Variants in MAML3 observed in about 807,000 individuals in gnomAD.
MAML3 encodes mastermind-like protein 3.
MAML3 carries 27 observed loss-of-function variants against 101.9 expected under a neutral mutation model. The ratio of observed to expected loss-of-function variants is 0.27; its 90% CI spans 0.20 to 0.37. The LOEUF (loss-of-function observed/expected upper bound fraction) is 0.37, where lower values mean the gene tolerates loss of function less well. Among genes scored for constraint, MAML3 ranks in the 10% least tolerant of loss-of-function variants. MAML3 has a pLI of 1.00. For synonymous variants in MAML3, 501 were observed against 555.9 expected, an observed-to-expected ratio of 0.90 and a Z score of 1.39; for missense variants, 1,316 against 1,444.9, an observed-to-expected ratio of 0.91 and a Z score of 1.45.
intron 2 of MAML3, 185 bp downstream of exon 2, chr4:139,889,172 T>C (rs1336403459): frequency 5.3e-6 from 6 of 1,140,660 alleles, no homozygotes; most frequent in Non-Finnish European, 7.9e-6. Flanking sequence ...CATGCCACCC[T>C]TTTCCATTTC....
intron 2 of MAML3, among the ~76,000 whole-genome samples, chr4:139,834,694 A>G (rs1731228056): frequency 6.6e-6 from 1 of 152,232 alleles, no homozygotes; most frequent in Non-Finnish European, 1.5e-5. Flanking sequence ...AAAGGTTGGA[A>G]TATAGCACAG....
intron 2 of MAML3, among the ~76,000 whole-genome samples, chr4:139,797,547 A>G (rs142829423): frequency 1.0e-3 from 154 of 152,286 alleles, no homozygotes; most frequent in Admixed American, 1.6e-3. Context: ...TCTCCCATTC[A>G]TAGCAAGGAC....
chr4:139,903,019 C>T lies in MAML3; in HGVS notation c.469-12052G>A, dbSNP rs148476614. On this transcript the variant is annotated intron_variant, in intron 1 of 4. Transcript: ENST00000509479. ...ATGAGCAGTGAAGACAGGAAGAAAA[C>T]CTTCCGATCCAATGTTTTCATCTCC... 1.3e-3 allele frequency among the ~76,000 whole-genome samples: 201 copies of T among 152,292 alleles called. 1 individual carries two copies. The highest frequency in any genetic ancestry group is 4.6e-3 in the African/African-American group (192 of 41,554).
At chr4:139,939,538 A>G (rs1378733238) in intron 1 of MAML3, among the ~76,000 whole-genome samples, 4 of 152,064 alleles carry the variant, frequency 2.6e-5, no homozygotes, top group African/African-American at 9.7e-5. Context: ...TCCAAGCTCA[A>G]AACCCTATTC....
intron 1 of MAML3, among the ~76,000 whole-genome samples, chr4:140,003,791 G>A (rs956932100): frequency 2.0e-5 from 3 of 152,186 alleles, no homozygotes; most frequent in Non-Finnish European, 4.4e-5. Context: ...CATCCCTTAA[G>A]TTCAGTTTCC....
chr4:140,012,614 G>A (rs533059839), intron 1 of MAML3, among the ~76,000 whole-genome samples: 1 of 152,230 alleles, frequency 6.6e-6, no homozygotes, highest in Admixed American at 6.5e-5. Flanking sequence ...TTCCATCTTG[G>A]GCATTTGTTT....
At chr4:139,781,787 G>A (rs1009858734) in intron 2 of MAML3, among the ~76,000 whole-genome samples, 1 of 152,098 alleles carries the variant, frequency 6.6e-6, no homozygotes, top group African/African-American at 2.4e-5. Context: ...TGGTGATGCT[G>A]TTACTCCTTA....
At chr4:139,761,347 C>T (rs974514143) in intron 2 of MAML3, among the ~76,000 whole-genome samples, 5 of 152,146 alleles carry the variant, frequency 3.3e-5, no homozygotes, top group African/African-American at 1.2e-4. Flanking sequence ...GAACAGGTTG[C>T]TTCATTTCCC....
intron 1 of MAML3, among the ~76,000 whole-genome samples, chr4:139,938,054 C>T (rs1733540497): frequency 6.6e-6 from 1 of 152,164 alleles, no homozygotes; most frequent in South Asian, 2.1e-4. Flanking sequence ...TCCTACTTTC[C>T]CTGCCTCCCA....
chr4:139,832,916 G>A (rs1308450493), intron 2 of MAML3, among the ~76,000 whole-genome samples: 1 of 152,186 alleles, frequency 6.6e-6, no homozygotes, highest in Admixed American at 6.5e-5. Context: ...TGGAAGAAGG[G>A]AGACGCATCT....
At chr4:139,902,241 G>T (rs1322033585) in intron 1 of MAML3, among the ~76,000 whole-genome samples, 1 of 128,288 alleles carries the variant, frequency 7.8e-6, no homozygotes, top group Non-Finnish European at 1.7e-5. Flanking sequence ...ACACGCAGGC[G>T]CGCACGCACA....
intron 1 of MAML3, among the ~76,000 whole-genome samples, chr4:139,902,263 G>GCA (rs1285715593): frequency 3.1e-5 from 2 of 63,858 alleles, no homozygotes; most frequent in African/African-American, 6.1e-5. Flanking sequence ...GCACACACAC[G>GCA]CACACACACA....
chr4:139,726,074 C>T (rs1459501010), intron 3 of MAML3, among the ~76,000 whole-genome samples: 1 of 152,192 alleles, frequency 6.6e-6, no homozygotes, highest in Non-Finnish European at 1.5e-5. Context: ...TGCCAGGAGC[C>T]CCTCGTGCCC....
At chr4:139,729,730 G>A (rs1728625419) in intron 3 of MAML3, among the ~76,000 whole-genome samples, 1 of 152,232 alleles carries the variant, frequency 6.6e-6, no homozygotes. Context: ...GTAGCAGTCT[G>A]CAGGGAAGGC....
chr4:139,817,085 AC>A (rs974557373), intron 2 of MAML3, among the ~76,000 whole-genome samples: 4 of 152,106 alleles, frequency 2.6e-5, no homozygotes, highest in African/African-American at 9.7e-5. Context: ...TGTCACTCTG[AC>A]TACCTTCAAT....
At chr4:140,072,292 T>C (rs1727672967) in intron 1 of MAML3, among the ~76,000 whole-genome samples, 1 of 152,202 alleles carries the variant, frequency 6.6e-6, no homozygotes, top group South Asian at 2.1e-4. Flanking sequence ...TTTTTTCTTG[T>C]CATTATTCTC....
intron 1 of MAML3, among the ~76,000 whole-genome samples, chr4:140,124,137 T>C (rs73857935): frequency 0.05 from 7,593 of 152,268 alleles, 652 homozygotes; most frequent in African/African-American, 0.17. Flanking sequence ...AACCTTGCCC[T>C]TTTCTCTGAC....
chr4:140,033,687 C>T (rs1443020255), intron 1 of MAML3, among the ~76,000 whole-genome samples: 1 of 152,172 alleles, frequency 6.6e-6, no homozygotes, highest in African/African-American at 2.4e-5. Flanking sequence ...GGATAAGTCA[C>T]CTAAGCTCTC....
chr4:140,081,075 C>G (rs1041033371), intron 1 of MAML3, among the ~76,000 whole-genome samples: 2 of 152,198 alleles, frequency 1.3e-5, no homozygotes, highest in African/African-American at 4.8e-5. Context: ...ATTGCATTCT[C>G]TCACGTCTAC....
Sources: gnomAD v4.1 joint callset for allele counts (sites outside exome capture counted in the v4.1 genomes callset) on GRCh38, gnomAD v4.1.1 for gene constraint, MANE v1.5 for transcripts, NCBI Gene and HGNC (gene_info 2026-07-23, HGNC 2026-07-21) for gene names.